Variants in HLCS observed in about 807,000 individuals in gnomAD.
HLCS encodes holocarboxylase synthetase, also known as biotin--protein ligase.
In HLCS, 53 loss-of-function variants were observed where a neutral mutation model predicts 75.0. The observed-to-expected ratio is 0.71, with a 90% CI of 0.57 to 0.89. The LOEUF (loss-of-function observed/expected upper bound fraction) is 0.89. HLCS is among the 40% of genes least tolerant of loss of function. HLCS has a pLI of 0.00. For synonymous variants in HLCS, 431 were observed against 428.6 expected (o/e 1.01, Z -0.07); for missense variants, 966 against 1,074.0 (o/e 0.90, Z 1.41).
intron 1 of HLCS, chr21:36,971,906 G>A (rs544628388): frequency 6.6e-5 from 10 of 152,168 alleles, no homozygotes; most frequent in African/African-American, 2.4e-4. Context: ...AAAGAATGTA[G>A]GATAAAATGT....
chr21:36,885,927 G>A (rs772563548), intron 6 of HLCS, among the ~76,000 whole-genome samples: 11 of 152,128 alleles, frequency 7.2e-5, no homozygotes, highest in African/African-American at 1.7e-4. Context: ...AAGTTTACTC[G>A]TCTAATAAAT....
intron 1 of HLCS, among the ~76,000 whole-genome samples, chr21:36,984,598 A>C (rs1319809206): frequency 1.3e-5 from 2 of 152,196 alleles, no homozygotes; most frequent in Non-Finnish European, 2.9e-5. Context: ...TCTAAGTGGG[A>C]GCTCAATAAT....
chr21:36,811,668 A>G (rs2061514704), intron 6 of HLCS, among the ~76,000 whole-genome samples: 1 of 152,178 alleles, frequency 6.6e-6, no homozygotes, highest in South Asian at 2.1e-4. Context: ...CTCCTTGGAG[A>G]AATGTGGTTC....
intron 6 of HLCS, among the ~76,000 whole-genome samples, chr21:36,888,446 ATATATATATATATATATATATATATATAT>A (rs1283107495): frequency 1.7e-4 from 12 of 70,452 alleles, no homozygotes; most frequent in Admixed American, 5.8e-4. Flanking sequence ...AAAAAAAAAA[ATATATATATATATATATATATATATATAT>A]ATATATATAT....
intron 6 of HLCS, among the ~76,000 whole-genome samples, chr21:36,771,518 G>C (rs1436976846): frequency 6.6e-6 from 1 of 152,104 alleles, no homozygotes; most frequent in Admixed American, 6.6e-5. Context: ...GATGCAGTGT[G>C]AAAAATCAGA....
intron 6 of HLCS, among the ~76,000 whole-genome samples, chr21:36,808,004 A>G (rs2061409274): frequency 6.6e-6 from 1 of 152,210 alleles, no homozygotes; most frequent in African/African-American, 2.4e-5. Flanking sequence ...AATAGCTAAA[A>G]AGTAAGTTTT....
intron 5 of HLCS, among the ~76,000 whole-genome samples, chr21:36,918,241 C>A (rs941491520): frequency 6.6e-6 from 1 of 152,202 alleles, no homozygotes. Context: ...ATGGCAGAAA[C>A]TTCTAGAAAA....
chr21:36,956,822 G>A (rs894532811), intron 2 of HLCS, among the ~76,000 whole-genome samples: 2 of 151,964 alleles, frequency 1.3e-5, no homozygotes, highest in Admixed American at 6.6e-5. Flanking sequence ...AGGCTGAGGC[G>A]GGCAGATCAC....
intron 2 of HLCS, among the ~76,000 whole-genome samples, chr21:36,957,235 G>A (rs528394081): frequency 6.6e-6 from 1 of 152,190 alleles, no homozygotes; most frequent in Admixed American, 6.5e-5. Flanking sequence ...TATAGTGAGT[G>A]AGTTCTCACA....
rs758652165 is a variant in HLCS at position 36,750,587 on chromosome 21, TAA to T, written c.*3657_*3658del. On this transcript the variant is annotated 3_prime_UTR_variant, in exon 11 of 11. Transcript: ENST00000674895. ...TTTAATACGGCCAATGGATCTTGTA[TAA>T]AGTCTACGTAAGTTTTAATTTACCA... Among the ~76,000 whole-genome samples the T allele has an allele frequency of 2.0e-5, 3 of 152,126 alleles. No homozygotes were observed. The highest frequency in any genetic ancestry group is 2.9e-5 in the Non-Finnish European group (2 of 68,020).
chr21:36,925,734 C>A (rs912290030), intron 5 of HLCS, among the ~76,000 whole-genome samples: 2 of 152,190 alleles, frequency 1.3e-5, no homozygotes, highest in African/African-American at 4.8e-5. Context: ...CCCTGCAGAG[C>A]GTGGCAGCCT....
At chr21:36,850,735 G>C (rs981616682) in intron 6 of HLCS, among the ~76,000 whole-genome samples, 1 of 152,162 alleles carries the variant, frequency 6.6e-6, no homozygotes, top group Admixed American at 6.5e-5. Context: ...GAGTCCAAGG[G>C]AATAGCAGGG....
Position 36,869,129 on chromosome 21 carries a change from T to A in HLCS, c.1892+27731A>T, listed in dbSNP as rs549259307. ...TTATTTATTTATTTATTTATTTATT[T>A]ATTTATTTATTTTGAGACAGAGTCT... On this transcript the variant is annotated intron_variant, in intron 6 of 10. Coordinates refer to ENST00000674895, the MANE Select transcript of HLCS (RefSeq NM_001352514.2). 6.0e-3 allele frequency among the ~76,000 whole-genome samples: 833 copies of A among 138,092 alleles called. 11 individuals are homozygous for A. Among genetic ancestry groups the A allele is most frequent in the Non-Finnish European group, 7.2e-3 (429 of 59,448 alleles). 90.6% of individuals were successfully genotyped at this position (138,092 alleles called of 152,430 possible).
intron 8 of HLCS, among the ~76,000 whole-genome samples, chr21:36,761,968 G>A (rs945742008): frequency 9.9e-5 from 15 of 152,180 alleles, no homozygotes; most frequent in Non-Finnish European, 1.8e-4. Context: ...AGATCTCCTC[G>A]GCTCATGAAG....
intron 6 of HLCS, among the ~76,000 whole-genome samples, chr21:36,796,342 G>A (rs1162621482): frequency 6.6e-6 from 1 of 152,150 alleles, no homozygotes. Context: ...GCAAAATGAG[G>A]AAAATCACAT....
intron 1 of HLCS, among the ~76,000 whole-genome samples, chr21:36,979,552 G>T (rs1007832434): frequency 1.3e-5 from 2 of 152,144 alleles, no homozygotes; most frequent in Non-Finnish European, 2.9e-5. Flanking sequence ...AGGTCAATTT[G>T]TGATTTTTAA....
At chr21:36,834,025 T>C (rs1291131822) in intron 6 of HLCS, among the ~76,000 whole-genome samples, 2 of 152,210 alleles carry the variant, frequency 1.3e-5, no homozygotes, top group African/African-American at 4.8e-5. Context: ...ACTGAAAATA[T>C]AGTATTGGTG....
chr21:36,812,194 G>A (rs961328890), intron 6 of HLCS, among the ~76,000 whole-genome samples: 27 of 152,164 alleles, frequency 1.8e-4, no homozygotes, highest in Non-Finnish European at 2.5e-4. Context: ...AAGCTACTGA[G>A]GTTTTGCGGA....
chr21:36,825,908 G>A (rs1457360137), intron 6 of HLCS, among the ~76,000 whole-genome samples: 1 of 152,206 alleles, frequency 6.6e-6, no homozygotes, highest in African/African-American at 2.4e-5. Context: ...GAGGGCAGGG[G>A]AGCCATAGAG....
Sources: allele counts gnomAD v4.1 joint callset (sites outside exome capture counted in the v4.1 genomes callset), GRCh38; gene constraint gnomAD v4.1.1; transcripts MANE v1.5; gene names NCBI Gene and HGNC (gene_info 2026-07-23, HGNC 2026-07-21).